The following ARHGAP10 variants were observed in gnomAD, a reference collection of about 807,000 sequenced individuals.
The protein encoded by ARHGAP10 is Rho GTPase activating protein 10, also known as rho GTPase-activating protein 10.
Under a neutral mutation model 108.6 loss-of-function variants are expected in ARHGAP10, and 87 were observed. The observed-to-expected ratio is 0.80, with a 90% CI of 0.67 to 0.96. The LOEUF (loss-of-function observed/expected upper bound fraction) is 0.96. ARHGAP10 is among the 40% of genes least tolerant of loss of function. The pLI is 0.00. For missense variants in ARHGAP10, 939 were observed against 954.5 expected (o/e 0.98, Z 0.21); for synonymous variants, 347 against 341.1 (o/e 1.02, Z -0.19).
At chr4:147,795,392 G>T (rs1456312551) in intron 1 of ARHGAP10, among the ~76,000 whole-genome samples, 1 of 152,076 alleles carries the variant, frequency 6.6e-6, no homozygotes, top group Non-Finnish European at 1.5e-5. Context: ...CCTGTAAGGA[G>T]ATCTTGGTTC....
At chr4:147,905,454 C>T (rs1281814073) in intron 10 of ARHGAP10, among the ~76,000 whole-genome samples, 2,309 of 126,258 alleles carry the variant, frequency 0.018, 87 homozygotes, top group African/African-American at 0.068. Context: ...TACATATGGC[C>T]AGCCAGTTTT....
intron 16 of ARHGAP10, among the ~76,000 whole-genome samples, chr4:147,963,654 C>T (rs1007862320): frequency 2.0e-5 from 3 of 152,188 alleles, no homozygotes; most frequent in African/African-American, 4.8e-5. Context: ...TTACTACTAA[C>T]CAAGTGGCTT....
chr4:147,913,932 C>G (rs1736854483), intron 13 of ARHGAP10, among the ~76,000 whole-genome samples: 1 of 152,128 alleles, frequency 6.6e-6, no homozygotes, highest in South Asian at 2.1e-4. Flanking sequence ...GTGGGCAGAT[C>G]ACCTGAGGCT....
chr4:148,029,234 A>G (rs977394930), intron 19 of ARHGAP10, among the ~76,000 whole-genome samples: 43 of 152,118 alleles, frequency 2.8e-4, no homozygotes, highest in African/African-American at 9.4e-4. Context: ...TTTTTCTCCA[A>G]TTTTTCCTCA....
intron 1 of ARHGAP10, among the ~76,000 whole-genome samples, chr4:147,790,906 G>A (rs1409537573): frequency 6.6e-6 from 1 of 152,068 alleles, no homozygotes; most frequent in Non-Finnish European, 1.5e-5. Context: ...CTCTGTGAGA[G>A]TTGAAGGCTC....
At chr4:147,908,394 A>T (rs2126912889) in intron 11 of ARHGAP10, among the ~76,000 whole-genome samples, 1 of 152,342 alleles carries the variant, frequency 6.6e-6, no homozygotes, top group Non-Finnish European at 1.5e-5. Context: ...AGTCATTGAA[A>T]AATGAGTCTG....
chr4:147,853,161 C>T (rs903936589), intron 4 of ARHGAP10, among the ~76,000 whole-genome samples: 2 of 152,188 alleles, frequency 1.3e-5, no homozygotes, highest in African/African-American at 4.8e-5. Flanking sequence ...CCCACACTCG[C>T]TCACACAGTA....
At chr4:147,783,924 GTATTA>G (rs1480512249) in intron 1 of ARHGAP10, among the ~76,000 whole-genome samples, 1 of 121,222 alleles carries the variant, frequency 8.2e-6, no homozygotes, top group African/African-American at 3.2e-5. Flanking sequence ...ATTAAATTGT[GTATTA>G]TATTTATATA....
intron 18 of ARHGAP10, among the ~76,000 whole-genome samples, chr4:147,999,517 C>T (rs1310308586): frequency 6.6e-6 from 1 of 152,226 alleles, no homozygotes; most frequent in Admixed American, 6.5e-5. Context: ...TGCTGTGCTC[C>T]TGATCCAGTG....
At chr4:147,912,554 T>C (rs13107848) in intron 12 of ARHGAP10, among the ~76,000 whole-genome samples, 2 of 660 alleles carry the variant, frequency 3.0e-3, no homozygotes, top group African/African-American at 4.5e-3. Context: ...AACAAATATA[T>C]ATATATATAT....
Position 148,072,211 on chromosome 4 carries a change from C to A in ARHGAP10, c.*130C>A. On this transcript the variant is annotated 3_prime_UTR_variant, in exon 23 of 23. Transcript: ENST00000336498. ...CCACACTTGGGAGTTACCATCATCA[C>A]AGTCAGCCCTGGGGGTGGGGGGTGG... is the stretch of plus-strand genomic sequence containing the variant. 1.5e-6 allele frequency: 1 copy of A among 652,144 alleles called. No homozygotes were observed. Among genetic ancestry groups the A allele is most frequent in the Non-Finnish European group, 2.5e-6 (1 of 399,870 alleles). 40.4% of individuals were successfully genotyped at this position (652,144 alleles called of 1,614,324 possible). A position where few individuals can be genotyped will look rare whatever the true frequency, so the allele number is the denominator to read the frequency against.
intron 1 of ARHGAP10, among the ~76,000 whole-genome samples, chr4:147,757,009 G>C (rs1729401698): frequency 6.6e-6 from 1 of 151,908 alleles, no homozygotes; most frequent in African/African-American, 2.4e-5. Flanking sequence ...TGCAGTTGCA[G>C]AGAGAGTGAG....
chr4:148,053,635 A>G (rs567570176), intron 20 of ARHGAP10, among the ~76,000 whole-genome samples: 3 of 152,208 alleles, frequency 2.0e-5, no homozygotes, highest in Admixed American at 6.5e-5. Flanking sequence ...CAGGGCCTGT[A>G]TACTTGGCCA....
chr4:147,959,927 C>T (rs757592250), intron 16 of ARHGAP10, among the ~76,000 whole-genome samples: 48 of 152,176 alleles, frequency 3.2e-4, no homozygotes, highest in Admixed American at 5.2e-4. Flanking sequence ...GCAAGATAGA[C>T]TCACAAGTTA....
chr4:147,753,426 C>T (rs1361853109), intron 1 of ARHGAP10, among the ~76,000 whole-genome samples: 1 of 151,810 alleles, frequency 6.6e-6, no homozygotes, highest in African/African-American at 2.4e-5. Flanking sequence ...TCACTACAAC[C>T]TCTGCCTCCT....
chr4:148,071,354 G>T (rs1004005954), intron 22 of ARHGAP10, among the ~76,000 whole-genome samples: 8 of 152,216 alleles, frequency 5.3e-5, no homozygotes, highest in Non-Finnish European at 2.9e-5. Context: ...GGTGGCTCAC[G>T]CCTGTAATCC....
At chr4:148,044,756 C>T (rs981499091) in intron 19 of ARHGAP10, among the ~76,000 whole-genome samples, 1 of 152,066 alleles carries the variant, frequency 6.6e-6, no homozygotes, top group African/African-American at 2.4e-5. Context: ...GAGTTGAGCT[C>T]GCTGGGCACA....
chr4:147,950,391 G>T (rs977450456), intron 15 of ARHGAP10, among the ~76,000 whole-genome samples: 1 of 152,184 alleles, frequency 6.6e-6, no homozygotes, highest in Non-Finnish European at 1.5e-5. Flanking sequence ...CAGTGTGATG[G>T]TCAAGAGCAG....
At chr4:147,877,718 G>A (rs2126866083) in intron 8 of ARHGAP10, among the ~76,000 whole-genome samples, 1 of 152,136 alleles carries the variant, frequency 6.6e-6, no homozygotes, top group Admixed American at 6.5e-5. Flanking sequence ...CCTGATGGTG[G>A]TACTGCTGAC....
Sources: allele counts gnomAD v4.1 joint callset (sites outside exome capture counted in the v4.1 genomes callset), GRCh38; gene constraint gnomAD v4.1.1; transcripts MANE v1.5; gene names NCBI Gene and HGNC (gene_info 2026-07-23, HGNC 2026-07-21).